MACF1: variants seen among roughly 807,000 people sequenced by gnomAD.
The protein encoded by MACF1 is microtubule actin crosslinking factor 1.
Under a neutral mutation model 854.8 loss-of-function variants are expected in MACF1, and 193 were observed. The observed-to-expected ratio is 0.23, with a 90% CI of 0.20 to 0.25. The LOEUF (loss-of-function observed/expected upper bound fraction) is 0.25. Among genes scored for constraint, MACF1 ranks in the 10% least tolerant of loss-of-function variants. MACF1 has a pLI of 1.00. For missense variants in MACF1, 7,722 were observed against 8,929.1 expected, an observed-to-expected ratio of 0.86 and a Z score of 5.45; for synonymous variants, 3,185 against 3,226.7, an observed-to-expected ratio of 0.99 and a Z score of 0.44.
At chr1:39,442,110 C>T (rs1429285949) in intron 75 of MACF1, 37 bp from the exon 76 acceptor site, 2 of 1,591,648 alleles carry the variant, frequency 1.3e-6, no homozygotes, top group Non-Finnish European at 1.7e-6. Flanking sequence ...TTTTTAAAGG[C>T]TTGATTTGAT....
intron 72 of MACF1, among the ~76,000 whole-genome samples, chr1:39,440,614 A>T (rs1186263168): frequency 6.6e-6 from 1 of 151,896 alleles, no homozygotes; most frequent in Non-Finnish European, 1.5e-5. Flanking sequence ...AAGATCATAG[A>T]CCCCAGCACT....
chr1:39,206,503 A>G (rs1429733756), intron 1 of MACF1: 1 of 152,232 alleles, frequency 6.6e-6, no homozygotes, highest in Non-Finnish European at 1.5e-5. Context: ...TATCTTCAGT[A>G]TAGGACTTTA....
At chr1:39,440,115 T>G (rs1168468438) in intron 72 of MACF1, among the ~76,000 whole-genome samples, 1 of 135,982 alleles carries the variant, frequency 7.4e-6, no homozygotes, top group Admixed American at 7.2e-5. Flanking sequence ...TCTTTTCTTT[T>G]TTTTTTTTTT....
At chr1:39,368,457 C>T (rs565425442) in intron 50 of MACF1, 143 bp downstream of exon 50, 15 of 761,768 alleles carry the variant, frequency 2.0e-5, no homozygotes, top group Middle Eastern at 3.8e-4. Context: ...TGAAAAGTGC[C>T]TTTTTTTAGG....
intron 43 of MACF1, among the ~76,000 whole-genome samples, chr1:39,351,507 T>TC (rs1188128362): frequency 2.0e-5 from 3 of 151,178 alleles, no homozygotes; most frequent in African/African-American, 7.3e-5. Context: ...TACTCAGTCC[T>TC]CTGACTAACT....
intron 2 of MACF1, among the ~76,000 whole-genome samples, chr1:39,117,583 GCCTGTGGCTTCA>G (rs1480488892): frequency 6.7e-6 from 1 of 150,156 alleles, no homozygotes; most frequent in Non-Finnish European, 1.5e-5. Flanking sequence ...GGTGTCCCTT[GCCTGTGGCTTCA>G]CCTGTTGCCA....
chr1:39,365,756 A>G (rs1327302135), intron 49 of MACF1, among the ~76,000 whole-genome samples: 1 of 150,762 alleles, frequency 6.6e-6, no homozygotes, highest in Non-Finnish European at 1.5e-5. Flanking sequence ...GCTCACTGCA[A>G]CCTCTGCCTT....
At chr1:39,102,818 G>A in intron 2 of MACF1, 1 of 702,600 alleles carries the variant, frequency 1.4e-6, no homozygotes, top group South Asian at 1.5e-5. Context: ...GAAAGCCTCA[G>A]AGCTTTTGCG....
intron 2 of MACF1, among the ~76,000 whole-genome samples, chr1:39,167,590 C>G (rs1385065720): frequency 6.6e-6 from 1 of 152,004 alleles, no homozygotes; most frequent in Non-Finnish European, 1.5e-5. Context: ...CCTGTAATCC[C>G]AGCTACTCAG....
chr1:39,383,133 A>G (rs1158862433), intron 56 of MACF1, among the ~76,000 whole-genome samples: 1 of 152,066 alleles, frequency 6.6e-6, no homozygotes, highest in Non-Finnish European at 1.5e-5. Flanking sequence ...AAAGAAAGAA[A>G]TTTAGGTTGG....
intron 2 of MACF1, among the ~76,000 whole-genome samples, chr1:39,104,464 C>T (rs1185471112): frequency 1.3e-5 from 2 of 152,196 alleles, no homozygotes; most frequent in Non-Finnish European, 2.9e-5. Flanking sequence ...ACCAGCTATG[C>T]TCCAGAGTCC....
chr1:39,345,857 C>A (rs972533731), intron 40 of MACF1, among the ~76,000 whole-genome samples: 2 of 151,540 alleles, frequency 1.3e-5, no homozygotes, highest in African/African-American at 4.9e-5. Flanking sequence ...CACTTGAGGC[C>A]GGGAGTTCGA....
intron 3 of MACF1, among the ~76,000 whole-genome samples, chr1:39,251,326 A>G (rs940349818): frequency 2.0e-5 from 3 of 152,098 alleles, no homozygotes; most frequent in African/African-American, 4.8e-5. Context: ...TTTTACTTTC[A>G]TTGTGCTGGA....
rs1454983014 is a variant in MACF1, at chr1:39,334,194, A to T, written c.7606A>T (p.Lys2536Ter). 1.2e-6 allele frequency: 2 copies of T among 1,614,198 alleles called. No homozygotes were observed. The highest frequency in any genetic ancestry group is 2.2e-5 in the East Asian group (1 of 44,890). The change falls in exon 37 of 101, where the codon AAA becomes TAA. Residue 2536 changes from lysine to a stop codon, truncating the protein, a stop_gained. Transcript: ENST00000564288. LOFTEE classifies it high-confidence loss of function. ...LIGEDLAEKLKRVENLNIHQI... is the reference protein window; with the variant it reads ...LIGEDLAEKL ...TGGTGAAGATTTAGCCGAGAAACTCAAAAGAGTTGAGAACTTAAACATCCA... is the reference window on the plus strand; with the variant it reads ...TGGTGAAGATTTAGCCGAGAAACTCTAAAGAGTTGAGAACTTAAACATCCA...
chr1:39,388,287 G>A lies in MACF1; in HGVS notation c.15445G>A (p.Gly5149Ser), dbSNP rs141166701. 8.1e-4 allele frequency: 1,314 copies of A among 1,614,184 alleles called. 16 individuals are homozygous for A. Among genetic ancestry groups the A allele is most frequent in the Non-Finnish European group, 2.9e-4 (346 of 1,180,042 alleles). ...DDELDGMGAI[G>S]RDTDSLQSQI... ...TGAGCTAGATGGCATGGGTGCTATT[G>A]GCAGAGACACTGATAGCCTCCAGTC... The change falls in exon 58 of 101, where the codon GGC becomes AGC. Residue 5149 changes from glycine to serine, a missense_variant. Transcript: ENST00000564288.
In MACF1 at chr1:39,358,716, A is replaced by G. The variant is rs1180598969; in HGVS notation, c.11963A>G (p.His3988Arg). ...GCACAGTGTACACGATTAGGATCTC[A>G]CCTGAATATGCTGTTAGGCCAGTAT... ...LHSKCTRLGS[H>R]LNMLLGQYHQ... Residue 3988 changes from histidine to arginine, a missense_variant, in exon 46 of 101, where the codon CAC becomes CGC. His to Arg is a conservative substitution (Grantham distance 29). Coordinates refer to ENST00000564288, the MANE Select transcript of MACF1 (RefSeq NM_001394062.1). 2 of 1,614,090 alleles carry G rather than the reference A, an allele frequency of 1.2e-6. No homozygotes were observed. Among genetic ancestry groups the G allele is most frequent in the Admixed American group, 3.3e-5 (2 of 59,988 alleles).
At chr1:39,260,086 A>T (rs1193808696) in intron 6 of MACF1, among the ~76,000 whole-genome samples, 1 of 152,126 alleles carries the variant, frequency 6.6e-6, no homozygotes, top group Non-Finnish European at 1.5e-5. Context: ...AAGCAGACTT[A>T]ATGTTCCAAT....
At chr1:39,233,031 GTGTT>G (rs1402395099) in intron 2 of MACF1, among the ~76,000 whole-genome samples, 46 of 84,194 alleles carry the variant, frequency 5.5e-4, no homozygotes, top group South Asian at 2.2e-3. Flanking sequence ...TGTTGTTGTT[GTGTT>G]TTGTTTTTTG....
rs947299050 is a variant in MACF1 at position 39,310,967 on chromosome 1, G to T, written c.3237G>T (p.Trp1079Cys). ...LASSRTDRDA[W>C]QDNALRIAEQ... ...GCTCTAGGACTGACAGAGATGCCTG[G>T]CAGGACAATGCATTAAGGATTGCAG... is the stretch of plus-strand genomic sequence containing the variant. Residue 1079 changes from tryptophan to cysteine, a missense_variant, in exon 26 of 101, where the codon TGG becomes TGT. Physicochemically the swap from Trp to Cys is radical, Grantham distance 215 (BLOSUM62 -2). Around this residue, in one of 15 missense-constraint regions of MACF1, gnomAD observed 1,137 missense variants for 1,263.0 expected, o/e 0.90. Coordinates refer to ENST00000564288, the MANE Select transcript of MACF1 (RefSeq NM_001394062.1). The T allele has an allele frequency of 6.2e-7, 1 of 1,613,926 alleles. No individual in the cohort carries two copies. Among genetic ancestry groups the T allele is most frequent in the Non-Finnish European group, 8.5e-7 (1 of 1,179,980 alleles).
Sources: allele counts gnomAD v4.1 joint callset (sites outside exome capture counted in the v4.1 genomes callset), GRCh38; gene constraint gnomAD v4.1.1; regional missense constraint gnomAD v4.1.1; transcripts MANE v1.5; gene names NCBI Gene and HGNC (gene_info 2026-07-23, HGNC 2026-07-21).